The following NTRK2 variants were observed in gnomAD, a reference collection of about 807,000 sequenced individuals.
The protein encoded by NTRK2 is BDNF/NT-3 growth factors receptor.
NTRK2 carries 13 observed loss-of-function variants against 94.5 expected under a neutral mutation model. The ratio of observed to expected loss-of-function variants is 0.14; its 90% CI spans 0.09 to 0.22. The LOEUF (loss-of-function observed/expected upper bound fraction) is 0.22, where lower values mean the gene tolerates loss of function less well. Ranked by LOEUF, NTRK2 falls within the 10% of genes least tolerant of loss-of-function variation. The pLI is 1.00. For missense variants in NTRK2, 639 were observed against 1,071.2 expected (o/e 0.60, Z 5.63); for synonymous variants, 372 against 407.4 (o/e 0.91, Z 1.05).
chr9:84,876,337 G>A (rs1352855642), intron 14 of NTRK2: 2 of 1,052,002 alleles, frequency 1.9e-6, no homozygotes, highest in Non-Finnish European at 2.3e-6. Context: ...AGCAGAGATG[G>A]CACCACTAAG....
rs938268589 is a variant in NTRK2 at position 84,826,056 on chromosome 9, C to G, written c.1397-34984C>G. 5.3e-5 allele frequency among the ~76,000 whole-genome samples: 8 copies of G among 152,322 alleles called. No homozygotes were observed. In the East Asian group the frequency reaches 1.3e-3, roughly 26 times the overall value. On this transcript the variant is annotated intron_variant, in intron 12 of 18. Coordinates refer to ENST00000277120, the MANE Select transcript of NTRK2 (RefSeq NM_006180.6). Reference sequence around the variant, plus strand: ...CTGAATGAAACTAAATTCCACCCCCCACCCGCCATGGACAGCAGAAGCAAA... The same window carrying G: ...CTGAATGAAACTAAATTCCACCCCCGACCCGCCATGGACAGCAGAAGCAAA...
rs371016893 is a variant in NTRK2 at position 84,752,180 on chromosome 9, A to T, written c.1396+95A>T. ...ACTAAAGAAGGAAGTGGCTAGATTT[A>T]TGATGATTAGGTTTTAAGGCTAAAA... On this transcript the variant is annotated intron_variant, in intron 12 of 18. Coordinates refer to ENST00000277120, the MANE Select transcript of NTRK2 (RefSeq NM_006180.6). 15 of 957,446 alleles carry T rather than the reference A, an allele frequency of 1.6e-5. No individual in the cohort carries two copies. In the African/African-American group the frequency reaches 1.9e-4, roughly 12 times the overall value. The allele number at this position is 957,446 out of a possible 1,614,324, so 59.3% of individuals were successfully genotyped here.
intron 12 of NTRK2, among the ~76,000 whole-genome samples, chr9:84,757,900 G>A (rs2065219383): frequency 6.6e-6 from 1 of 152,084 alleles, no homozygotes; most frequent in Admixed American, 6.5e-5. Context: ...ATGTTTAAAT[G>A]TGAATAGATT....
chr9:84,934,711 T>A (rs541840185), intron 15 of NTRK2, among the ~76,000 whole-genome samples: 2 of 152,268 alleles, frequency 1.3e-5, no homozygotes, highest in South Asian at 4.1e-4. Flanking sequence ...ATTGTGGACT[T>A]CACTTCCCCT....
At chr9:84,762,310 G>A (rs896988953) in intron 12 of NTRK2, among the ~76,000 whole-genome samples, 3 of 152,064 alleles carry the variant, frequency 2.0e-5, no homozygotes, top group African/African-American at 7.2e-5. Flanking sequence ...TGGTGTGGAT[G>A]TCAGGGAGCA....
At position 84,900,202 on chromosome 9, in the gene NTRK2, A is replaced by C. The variant is rs1420383367; in HGVS notation, c.1633+32771A>C. On this transcript the variant is annotated intron_variant, in intron 14 of 18. Coordinates refer to ENST00000277120, the MANE Select transcript of NTRK2 (RefSeq NM_006180.6). ...TAGCCATGATCACGTTCGGAAAATG[A>C]GTGCTGGTTCGGGTGTTAGAGGTCC... 2.0e-5 allele frequency among the ~76,000 whole-genome samples: 3 copies of C among 152,160 alleles called. No individual in the cohort carries two copies. In the East Asian group the frequency reaches 5.8e-4, roughly 29 times the overall value.
chr9:84,916,444 G>T (rs987423213), intron 14 of NTRK2, among the ~76,000 whole-genome samples: 1 of 152,162 alleles, frequency 6.6e-6, no homozygotes, highest in African/African-American at 2.4e-5. Context: ...GTTGATCATG[G>T]TACTGTTTCC....
rs573109195 is a variant in NTRK2, at chr9:84,769,581, T to G, written c.1396+17496T>G. ...GCATCCCAGAAATCTCAGAGTGGTGTTGTTGGTTAAATGAATATGCACATA... is the reference window on the plus strand; with the variant it reads ...GCATCCCAGAAATCTCAGAGTGGTGGTGTTGGTTAAATGAATATGCACATA... On this transcript the variant is annotated intron_variant, in intron 12 of 18. Coordinates refer to ENST00000277120, the MANE Select transcript of NTRK2 (RefSeq NM_006180.6). 2.6e-5 allele frequency among the ~76,000 whole-genome samples: 4 copies of G among 152,236 alleles called. No homozygotes were observed. The East Asian group carries it at 7.7e-4, about 29-fold the overall frequency.
chr9:84,870,151 A>G (rs930477759), intron 14 of NTRK2, among the ~76,000 whole-genome samples: 1 of 142,204 alleles, frequency 7.0e-6, no homozygotes, highest in Non-Finnish European at 1.5e-5. Flanking sequence ...ATATATATAC[A>G]CACACATACA....
chr9:84,956,483 C>T (rs1221089759), intron 17 of NTRK2, among the ~76,000 whole-genome samples: 1 of 152,150 alleles, frequency 6.6e-6, no homozygotes, highest in Non-Finnish European at 1.5e-5. Flanking sequence ...GGGTGGTGTT[C>T]TACCACTTTG....
chr9:84,816,154 A>T (rs2072375281), intron 12 of NTRK2, among the ~76,000 whole-genome samples: 1 of 152,180 alleles, frequency 6.6e-6, no homozygotes, highest in African/African-American at 2.4e-5. Context: ...ATATAAACAT[A>T]ATGACTTGTA....
intron 2 of NTRK2, among the ~76,000 whole-genome samples, chr9:84,677,689 G>T (rs2059145303): frequency 1.3e-5 from 2 of 152,072 alleles, no homozygotes; most frequent in South Asian, 4.1e-4. Context: ...TCCAACCTTG[G>T]TGCCCAAATT....
At position 84,681,396 on chromosome 9, in the gene NTRK2, C is replaced by G. The variant is rs116529415; in HGVS notation, c.212+10436C>G. ...TATTACGTCTTGTCAATCCATTTTC[C>G]TAAGTATTTCCTAAATCTAATTTTT... On this transcript the variant is annotated intron_variant, in intron 2 of 18. Coordinates refer to ENST00000277120, the MANE Select transcript of NTRK2 (RefSeq NM_006180.6). Among the ~76,000 whole-genome samples the G allele has an allele frequency of 5.4e-3, 824 of 152,278 alleles. 9 individuals are homozygous for G. The highest frequency in any genetic ancestry group is 0.019 in the African/African-American group (788 of 41,558).
chr9:84,901,787 G>A (rs1285446608), intron 14 of NTRK2, among the ~76,000 whole-genome samples: 1 of 152,090 alleles, frequency 6.6e-6, no homozygotes, highest in African/African-American at 2.4e-5. Flanking sequence ...CTCCATGTAT[G>A]TCTAGACCAT....
chr9:84,798,110 A>G lies in NTRK2; in HGVS notation c.1396+46025A>G, dbSNP rs528183088. Among the ~76,000 whole-genome samples the G allele has an allele frequency of 2.0e-5, 3 of 151,516 alleles. No homozygotes were observed. The South Asian group carries it at 6.2e-4, about 31-fold the overall frequency. ...CTGGGAAGTCCGATATCAAGGCACC[A>G]GCAGATTCATTGTCAGGTGAGGGCC... On this transcript the variant is annotated intron_variant, in intron 12 of 18. Transcript: ENST00000277120.
intron 14 of NTRK2, among the ~76,000 whole-genome samples, chr9:84,927,394 T>C (rs1288427888): frequency 6.6e-6 from 1 of 152,046 alleles, no homozygotes; most frequent in African/African-American, 2.4e-5. Context: ...GCATGAAAGA[T>C]ATAAGTACAT....
At chr9:84,878,023 G>A in intron 14 of NTRK2, 3 of 850,712 alleles carry the variant, frequency 3.5e-6, no homozygotes, top group Non-Finnish European at 4.3e-6. Flanking sequence ...GTCCGCATTG[G>A]TTCCCCAGTT....
At chr9:84,893,120 G>A (rs879875908) in intron 14 of NTRK2, among the ~76,000 whole-genome samples, 1 of 151,976 alleles carries the variant, frequency 6.6e-6, no homozygotes, top group Non-Finnish European at 1.5e-5. Context: ...CATAACCCCT[G>A]TCAAGATCCA....
chr9:84,874,599 CT>C, intron 14 of NTRK2: 2 of 1,062,350 alleles, frequency 1.9e-6, no homozygotes, highest in Non-Finnish European at 2.3e-6. Flanking sequence ...AGAAGAAACA[CT>C]TTCTCTAACC....
Sources: allele counts gnomAD v4.1 joint callset (sites outside exome capture counted in the v4.1 genomes callset), GRCh38; gene constraint gnomAD v4.1.1; transcripts MANE v1.5; gene names NCBI Gene and HGNC (gene_info 2026-07-23, HGNC 2026-07-21).